Variants in MBNL1 observed in about 807,000 individuals in gnomAD.
MBNL1 encodes the protein muscleblind like splicing regulator 1.
A neutral mutation model predicts 42.2 loss-of-function variants in MBNL1; 8 were observed. The ratio of observed to expected loss-of-function variants is 0.19; its 90% CI spans 0.11 to 0.34. MBNL1 has a LOEUF of 0.34. Ranked by LOEUF, MBNL1 falls within the 10% of genes least tolerant of loss-of-function variation. The pLI is 1.00. For synonymous variants in MBNL1, 169 were observed against 173.9 expected (o/e 0.97, Z 0.22); for missense variants, 309 against 495.3 (o/e 0.62, Z 3.57).
chr3:152,328,056 T>C (rs1461649519), intron 2 of MBNL1, among the ~76,000 whole-genome samples: 1 of 152,198 alleles, frequency 6.6e-6, no homozygotes, highest in Non-Finnish European at 1.5e-5. Context: ...TGTGCTATTT[T>C]AATGTAAGCC....
intron 2 of MBNL1, among the ~76,000 whole-genome samples, chr3:152,389,970 G>A (rs1457856906): frequency 6.6e-6 from 1 of 151,664 alleles, no homozygotes; most frequent in Non-Finnish European, 1.5e-5. Context: ...ATGCCTCCCG[G>A]GTTCAAGAAA....
At chr3:152,452,519 A>G (rs1026728181) in intron 6 of MBNL1, among the ~76,000 whole-genome samples, 2 of 152,116 alleles carry the variant, frequency 1.3e-5, no homozygotes, top group South Asian at 2.1e-4. Flanking sequence ...ATCATTGTCT[A>G]TGCTTGCAAG....
At chr3:152,337,772 C>G (rs1332633372) in intron 2 of MBNL1, among the ~76,000 whole-genome samples, 2 of 151,888 alleles carry the variant, frequency 1.3e-5, no homozygotes, top group South Asian at 4.1e-4. Context: ...TTGTATTCTT[C>G]TCTTATCTCA....
intron 2 of MBNL1, among the ~76,000 whole-genome samples, chr3:152,398,865 A>G (rs2098098731): frequency 6.6e-6 from 1 of 152,162 alleles, no homozygotes; most frequent in African/African-American, 2.4e-5. Context: ...TTACAGATGT[A>G]TTACTTGTCA....
At chr3:152,294,850 G>C (rs938103802) in intron 1 of MBNL1, among the ~76,000 whole-genome samples, 7 of 152,018 alleles carry the variant, frequency 4.6e-5, no homozygotes, top group Admixed American at 3.9e-4. Context: ...ATTCAGTATT[G>C]ATCCAAATTC....
In MBNL1 at chr3:152,441,872, G is replaced by A. The variant is rs189984515; in HGVS notation, c.550-3410G>A. 1.5e-3 allele frequency among the ~76,000 whole-genome samples: 226 copies of A among 152,090 alleles called. 1 individual carries two copies. The highest frequency in any genetic ancestry group is 2.2e-3 in the Non-Finnish European group (149 of 67,962). ...CAGTGGCACGATCTTGGCTCACTGC[G>A]ACCTCCACTTCCCAGGTTCAAGCAA... On this transcript the variant is annotated intron_variant, in intron 4 of 9. Transcript: ENST00000324210.
At chr3:152,273,640 T>C (rs2043180603) in intron 1 of MBNL1, among the ~76,000 whole-genome samples, 1 of 152,224 alleles carries the variant, frequency 6.6e-6, no homozygotes, top group South Asian at 2.1e-4. Flanking sequence ...TCAGGAAATA[T>C]TAATCTCAAA....
At chr3:152,387,537 G>A (rs933096236) in intron 2 of MBNL1, among the ~76,000 whole-genome samples, 2 of 151,970 alleles carry the variant, frequency 1.3e-5, no homozygotes, top group African/African-American at 4.8e-5. Context: ...TTAGTCACTC[G>A]TATTAATTAT....
At chr3:152,301,223 A>T (rs1305100111) in intron 2 of MBNL1, among the ~76,000 whole-genome samples, 1 of 152,238 alleles carries the variant, frequency 6.6e-6, no homozygotes, top group African/African-American at 2.4e-5. Context: ...ATATTTGAAA[A>T]TGAGTCTTTT....
At chr3:152,254,625 T>C (rs577679986) in intron 2 of MBNL1, among the ~76,000 whole-genome samples, 1 of 152,260 alleles carries the variant, frequency 6.6e-6, no homozygotes. Flanking sequence ...AGGAAAATTC[T>C]TTTTCTTGTA....
At chr3:152,382,441 A>T (rs16864231) in intron 2 of MBNL1, among the ~76,000 whole-genome samples, 1 of 152,180 alleles carries the variant, frequency 6.6e-6, no homozygotes, top group African/African-American at 2.4e-5. Context: ...GCAAGAAAAA[A>T]TAGATAATGG....
At chr3:152,323,536 G>GTGTA (rs2077629133) in intron 2 of MBNL1, among the ~76,000 whole-genome samples, 1 of 152,076 alleles carries the variant, frequency 6.6e-6, no homozygotes, top group African/African-American at 2.4e-5. Context: ...TCATTGTTGT[G>GTGTA]TGTACATCAT....
rs554077103 is a variant in MBNL1, at chr3:152,457,520, C to A, written c.1092+1159C>A. Among the ~76,000 whole-genome samples, 4 of 152,320 alleles carry A rather than the reference C, an allele frequency of 2.6e-5. No individual in the cohort carries two copies. The East Asian group carries it at 7.7e-4, about 29-fold the overall frequency. ...TATTAGTACAGCCATTAAAAACTTT[C>A]AAAATCAGAACACAAAAATGAATTT... On this transcript the variant is annotated intron_variant, in intron 8 of 9. Coordinates refer to ENST00000324210, the MANE Select transcript of MBNL1 (RefSeq NM_021038.5).
At chr3:152,419,025 A>G (rs1003631464) in intron 3 of MBNL1, among the ~76,000 whole-genome samples, 2 of 152,188 alleles carry the variant, frequency 1.3e-5, no homozygotes, top group Non-Finnish European at 2.9e-5. Flanking sequence ...CGACAATCTT[A>G]TAATGTAAAC....
intron 2 of MBNL1, among the ~76,000 whole-genome samples, chr3:152,342,258 C>T: frequency 6.6e-6 from 1 of 152,080 alleles, no homozygotes; most frequent in South Asian, 2.1e-4. Context: ...TCTGTCTGCA[C>T]CTCCTTCCAA....
intron 6 of MBNL1, among the ~76,000 whole-genome samples, chr3:152,454,840 A>C (rs540107073): frequency 6.6e-6 from 1 of 152,228 alleles, no homozygotes; most frequent in Non-Finnish European, 1.5e-5. Flanking sequence ...TTTGATACTT[A>C]TAAGAAATTA....
intron 2 of MBNL1, among the ~76,000 whole-genome samples, chr3:152,388,032 A>G (rs2097526099): frequency 6.6e-6 from 1 of 152,234 alleles, no homozygotes; most frequent in South Asian, 2.1e-4. Flanking sequence ...TCTCAGAACC[A>G]CAGGCCTTTT....
At position 152,346,683 on chromosome 3, in the gene MBNL1, G is replaced by C. The variant is rs915587054; in HGVS notation, c.174+46316G>C. ...ATGTGAAGCCACCATTATCATTTAC[G>C]TCAAAAATGAAGGTTATCTGTTGCC... On this transcript the variant is annotated intron_variant, in intron 2 of 9. Transcript: ENST00000324210. Among the ~76,000 whole-genome samples, 6 of 151,908 alleles carry C rather than the reference G, an allele frequency of 3.9e-5. No homozygotes were observed. In the South Asian group the frequency reaches 1.2e-3, roughly 32 times the overall value.
chr3:152,309,007 A>G (rs1266828540), intron 2 of MBNL1, among the ~76,000 whole-genome samples: 1 of 152,144 alleles, frequency 6.6e-6, no homozygotes, highest in East Asian at 1.9e-4. Flanking sequence ...GCCGGTTACT[A>G]ACAGGGAGAC....
Sources: gnomAD v4.1 joint callset for allele counts (sites outside exome capture counted in the v4.1 genomes callset) on GRCh38, gnomAD v4.1.1 for gene constraint, MANE v1.5 for transcripts, NCBI Gene and HGNC (gene_info 2026-07-23, HGNC 2026-07-21) for gene names.